The following CLTCL1 variants were observed in gnomAD, a reference collection of about 807,000 sequenced individuals.
CLTCL1 encodes clathrin heavy chain like 1, also known as clathrin heavy chain 2.
A neutral mutation model predicts 190.0 loss-of-function variants in CLTCL1; 159 were observed. The ratio of observed to expected loss-of-function variants is 0.84; its 90% CI spans 0.74 to 0.95. The LOEUF is 0.95. Ranked by LOEUF, CLTCL1 falls within the 40% of genes least tolerant of loss-of-function variation. The probability of loss-of-function intolerance (pLI) is 0.00; values close to 1 mark genes in which losing one functional copy is unlikely to be tolerated. For missense variants in CLTCL1, 1,878 were observed against 2,033.4 expected (o/e 0.92, Z 1.47); for synonymous variants, 752 against 769.6 (o/e 0.98, Z 0.38).
intron 29 of CLTCL1, chr22:19,184,190 C>T (rs368154182): frequency 1.1e-4 from 32 of 286,322 alleles, no homozygotes; most frequent in Non-Finnish European, 1.9e-4. Flanking sequence ...AGCTCCACAG[C>T]AGGCACTGGA....
intron 19 of CLTCL1, among the ~76,000 whole-genome samples, chr22:19,212,892 A>C (rs1555947690): frequency 6.6e-6 from 1 of 152,220 alleles, no homozygotes; most frequent in East Asian, 1.9e-4. Flanking sequence ...AGAAGGAAAT[A>C]ACAGAAAATC....
At chr22:19,227,449 CTT>C (rs1216657802) in intron 11 of CLTCL1, among the ~76,000 whole-genome samples, 14 of 125,298 alleles carry the variant, frequency 1.1e-4, no homozygotes, top group South Asian at 1.1e-3. Flanking sequence ...CACCTGGCTA[CTT>C]TTTTTTTTTT....
intron 2 of CLTCL1, among the ~76,000 whole-genome samples, chr22:19,264,980 G>A (rs189062116): frequency 2.4e-4 from 37 of 152,076 alleles, no homozygotes; most frequent in African/African-American, 8.0e-4. Flanking sequence ...GTAGAGACAG[G>A]GTTTCACCAT....
At position 19,225,328 on chromosome 22, in the gene CLTCL1, G is replaced by A. The variant is rs565044892; in HGVS notation, c.2128+125C>T. Reference sequence around the variant, plus strand: ...TTCTGCCACCGACTGAGCACCCAAGGCAGCCAGTGCTGCATCCTGCCTGGC... The same window carrying A: ...TTCTGCCACCGACTGAGCACCCAAGACAGCCAGTGCTGCATCCTGCCTGGC... On this transcript the variant is annotated intron_variant, in intron 13 of 32. Transcript: ENST00000427926. 12 of 969,564 alleles carry A rather than the reference G, an allele frequency of 1.2e-5. No homozygotes were observed. In the African/African-American group the frequency reaches 1.3e-4, roughly 11 times the overall value. The allele number at this position is 969,564 out of a possible 1,614,324, so 60.1% of individuals were successfully genotyped here. A position where few individuals can be genotyped will look rare whatever the true frequency, so the allele number is the denominator to read the frequency against.
intron 27 of CLTCL1, among the ~76,000 whole-genome samples, chr22:19,190,841 G>A (rs980032288): frequency 2.7e-5 from 4 of 150,452 alleles, no homozygotes; most frequent in Admixed American, 6.7e-5. Context: ...GCAGTGGCAC[G>A]ATCTTGGCTC....
chr22:19,203,927 C>T (rs576287772), intron 22 of CLTCL1, among the ~76,000 whole-genome samples: 69 of 152,360 alleles, frequency 4.5e-4, no homozygotes, highest in African/African-American at 1.6e-3. Context: ...CTGCTTCTCT[C>T]CTCACACCCC....
chr22:19,235,881 C>T lies in CLTCL1; in HGVS notation c.796-12G>A, dbSNP rs1407794086. 1.9e-6 allele frequency: 3 copies of T among 1,610,190 alleles called. No homozygotes were observed. The highest frequency in any genetic ancestry group is 2.5e-6 in the Non-Finnish European group (3 of 1,177,956). On this transcript the variant is annotated splice_polypyrimidine_tract_variant and intron_variant, in intron 5 of 32. Coordinates refer to ENST00000427926, the MANE Select transcript of CLTCL1 (RefSeq NM_007098.4). ...TGTTTAGCTCCAATCTATAAGAAGA[C>T]AGAGAGCAAGAGGTTGGAAAGTAAG...
intron 22 of CLTCL1, among the ~76,000 whole-genome samples, chr22:19,205,450 C>G (rs2085020585): frequency 6.6e-6 from 1 of 152,188 alleles, no homozygotes; most frequent in African/African-American, 2.4e-5. Flanking sequence ...GTCGAGGATG[C>G]AGTGAGCTGA....
chr22:19,199,097 C>T (rs9618506), intron 24 of CLTCL1, among the ~76,000 whole-genome samples: 1,826 of 152,246 alleles, frequency 0.012, 31 homozygotes, highest in African/African-American at 0.042. Context: ...ATTTCCATGG[C>T]CATGGTGACA....
At chr22:19,271,670 C>T (rs1029256837) in intron 2 of CLTCL1, among the ~76,000 whole-genome samples, 2 of 152,130 alleles carry the variant, frequency 1.3e-5, no homozygotes, top group African/African-American at 2.4e-5. Flanking sequence ...ACTGTGAGAA[C>T]GGACCAACAC....
chr22:19,212,769 A>G (rs1376745568), intron 19 of CLTCL1, among the ~76,000 whole-genome samples: 8 of 152,216 alleles, frequency 5.3e-5, no homozygotes, highest in African/African-American at 1.9e-4. Context: ...ATTTTTAACA[A>G]ATAATGCTGG....
intron 26 of CLTCL1, among the ~76,000 whole-genome samples, chr22:19,194,321 A>G (rs2084623134): frequency 6.6e-6 from 1 of 152,054 alleles, no homozygotes; most frequent in African/African-American, 2.4e-5. Context: ...GTATCTATTA[A>G]AAATACAAAA....
intron 14 of CLTCL1, 102 bp downstream of exon 14, chr22:19,223,789 G>C (rs557690258): frequency 7.1e-7 from 1 of 1,406,400 alleles, no homozygotes; most frequent in South Asian, 1.3e-5. Flanking sequence ...GGTCCCTGGC[G>C]AGACAGATCC....
Position 19,203,735 on chromosome 22 carries a change from T to C in CLTCL1, c.3601-2242A>G, listed in dbSNP as rs114943325. ...TGTCCCTGGAGGCTGCCCATGCACA[T>C]CTCTAGTCTGGGCTTCTCCTCTAAA... On this transcript the variant is annotated intron_variant, in intron 22 of 32. Coordinates refer to ENST00000427926, the MANE Select transcript of CLTCL1 (RefSeq NM_007098.4). Among the ~76,000 whole-genome samples, 1,425 of 152,178 alleles carry C rather than the reference T, an allele frequency of 9.4e-3. 20 individuals are homozygous for C. The highest frequency in any genetic ancestry group is 0.032 in the African/African-American group (1,320 of 41,500).
chr22:19,239,254 T>G (rs1555963893), intron 5 of CLTCL1, 21 bp downstream of exon 5: 1 of 1,566,002 alleles, frequency 6.4e-7, no homozygotes, highest in Non-Finnish European at 8.8e-7. Flanking sequence ...TGAAGATGTT[T>G]AGAGAGCAGC....
Position 19,180,252 on chromosome 22 carries a change from A to C in CLTCL1, c.4904-14T>G, listed in dbSNP as rs2084085292. The C allele has an allele frequency of 6.2e-7, 1 of 1,613,478 alleles. No individual in the cohort carries two copies. The highest frequency in any genetic ancestry group is 1.7e-5 in the Admixed American group (1 of 59,986). On this transcript the variant is annotated splice_polypyrimidine_tract_variant and intron_variant, in intron 31 of 32. Coordinates refer to ENST00000427926, the MANE Select transcript of CLTCL1 (RefSeq NM_007098.4). ...GCCCATCAAAATCTAAAAAAACCAG[A>C]ATGACATTAATGGTGGAAGGACACA...
chr22:19,221,941 G>C lies in CLTCL1; in HGVS notation c.2561+10C>G, dbSNP rs1555952723. The C allele has an allele frequency of 1.9e-6, 3 of 1,613,384 alleles. No individual in the cohort carries two copies. The highest frequency in any genetic ancestry group is 2.5e-6 in the Non-Finnish European group (3 of 1,179,682). ...GGGGTAAGAGAAAACACCAAGTAAG[G>C]ACACCTTACCTATTTCTTTTTTCTA... On this transcript the variant is annotated intron_variant, in intron 16 of 32. Transcript: ENST00000427926.
At chr22:19,221,293 T>A in intron 17 of CLTCL1, 84 bp downstream of exon 17, 4 of 1,047,362 alleles carry the variant, frequency 3.8e-6, no homozygotes, top group Non-Finnish European at 5.5e-6. Flanking sequence ...CAGAAAGCCC[T>A]GATCAGCTCC....
chr22:19,261,318 GCCAGGATGGTCTCGACCTCCTGA>G (rs1258357463), intron 2 of CLTCL1, among the ~76,000 whole-genome samples: 2 of 152,080 alleles, frequency 1.3e-5, no homozygotes, highest in Non-Finnish European at 2.9e-5. Context: ...CACCGTGTTA[GCCAGGATGGTCTCGACCTCCTGA>G]CCTTGTGATC....
Sources: gnomAD v4.1 joint callset for allele counts (sites outside exome capture counted in the v4.1 genomes callset) on GRCh38, gnomAD v4.1.1 for gene constraint, MANE v1.5 for transcripts, NCBI Gene and HGNC (gene_info 2026-07-23, HGNC 2026-07-21) for gene names.